TENM2: variants seen among roughly 807,000 people sequenced by gnomAD.
TENM2 encodes the protein teneurin-2.
A neutral mutation model predicts 245.2 loss-of-function variants in TENM2; 52 were observed. The ratio of observed to expected loss-of-function variants is 0.21; its 90% CI spans 0.17 to 0.27. The LOEUF is 0.27. Ranked by LOEUF, TENM2 falls within the 10% of genes least tolerant of loss-of-function variation. The pLI, the probability that TENM2 is intolerant of heterozygous loss-of-function variation, is 1.00. For synonymous variants in TENM2, 1,363 were observed against 1,438.9 expected (o/e 0.95, Z 1.19); for missense variants, 3,046 against 3,666.8 (o/e 0.83, Z 4.37).
the TENM2 span, among the ~76,000 whole-genome samples, chr5:167,199,097 T>TAAAAAAAA: frequency 6.3e-5 from 5 of 79,304 alleles, no homozygotes; most frequent in African/African-American, 1.8e-4. Flanking sequence ...TGATATGAAG[T>TAAAAAAAA]AAAAAAAAAA....
At chr5:167,124,134 C>CT in the TENM2 span, among the ~76,000 whole-genome samples, 1 of 152,254 alleles carries the variant, frequency 6.6e-6, no homozygotes, top group African/African-American at 2.4e-5. Flanking sequence ...GGGGTCTTTA[C>CT]TTTTTTGCGG....
chr5:168,106,520 A>T (rs1046179392), intron 9 of TENM2, among the ~76,000 whole-genome samples: 6 of 152,218 alleles, frequency 3.9e-5, no homozygotes, highest in African/African-American at 1.2e-4. Flanking sequence ...GAGTTTAAGT[A>T]ACTTGCTCAA....
chr5:168,224,291 G>A (rs1431938795), intron 23 of TENM2, among the ~76,000 whole-genome samples: 4 of 152,172 alleles, frequency 2.6e-5, no homozygotes, highest in South Asian at 4.1e-4. Context: ...GGGGCCCTGG[G>A]CGAGTGATAG....
chr5:168,232,985 C>T (rs1765072799), intron 25 of TENM2, among the ~76,000 whole-genome samples: 1 of 152,216 alleles, frequency 6.6e-6, no homozygotes, highest in Non-Finnish European at 1.5e-5. Flanking sequence ...CCTCCCCCTC[C>T]TTCCCGCATT....
the TENM2 span, among the ~76,000 whole-genome samples, chr5:167,107,342 AAAC>A: frequency 2.6e-5 from 4 of 152,036 alleles, no homozygotes; most frequent in African/African-American, 7.2e-5. Context: ...GAAAGAAAGA[AAAC>A]AAGTTGTACG....
intron 2 of TENM2, among the ~76,000 whole-genome samples, chr5:167,663,138 TGGG>T (rs1258190824): frequency 1.1e-5 from 1 of 91,312 alleles, no homozygotes; most frequent in Non-Finnish European, 2.3e-5. Flanking sequence ...AGAATGGGGA[TGGG>T]GAGAGAGAGA....
the TENM2 span, among the ~76,000 whole-genome samples, chr5:167,096,061 C>T: frequency 6.6e-6 from 1 of 152,224 alleles, no homozygotes; most frequent in Non-Finnish European, 1.5e-5. Flanking sequence ...CATGAGCCAC[C>T]ACGCCTGGCA....
chr5:167,702,347 A>G (rs563296531), intron 2 of TENM2, among the ~76,000 whole-genome samples: 1 of 152,076 alleles, frequency 6.6e-6, no homozygotes, highest in Admixed American at 6.6e-5. Flanking sequence ...ATGTCTTTCC[A>G]TGGGAAAGTT....
At chr5:167,894,010 T>C (rs1383242841) in intron 3 of TENM2, among the ~76,000 whole-genome samples, 2 of 152,162 alleles carry the variant, frequency 1.3e-5, no homozygotes, top group Non-Finnish European at 2.9e-5. Flanking sequence ...TAGAAAAATA[T>C]AGCAAGGTAG....
At chr5:167,713,023 G>A (rs1251748166) in intron 2 of TENM2, among the ~76,000 whole-genome samples, 1 of 152,080 alleles carries the variant, frequency 6.6e-6, no homozygotes, top group African/African-American at 2.4e-5. Flanking sequence ...AGTTTGTGCA[G>A]CTTTATGTAT....
At chr5:167,190,076 G>A in the TENM2 span, among the ~76,000 whole-genome samples, 6 of 152,034 alleles carry the variant, frequency 3.9e-5, no homozygotes, top group East Asian at 1.2e-3. Context: ...TGCATGATGG[G>A]ATGTCTTTGT....
intron 6 of TENM2, among the ~76,000 whole-genome samples, chr5:168,048,703 C>G (rs1345179320): frequency 6.6e-6 from 1 of 152,168 alleles, no homozygotes; most frequent in Non-Finnish European, 1.5e-5. Context: ...CAGAGGTGCA[C>G]ATTAGTCATC....
chr5:167,955,827 A>G (rs1297771330), intron 4 of TENM2, among the ~76,000 whole-genome samples: 4 of 152,108 alleles, frequency 2.6e-5, no homozygotes, highest in Non-Finnish European at 5.9e-5. Context: ...ATTGGTCTAT[A>G]TATCTGTTTT....
At chr5:167,184,973 G>A in the TENM2 span, among the ~76,000 whole-genome samples, 26 of 152,232 alleles carry the variant, frequency 1.7e-4, no homozygotes, top group Admixed American at 9.8e-4. Flanking sequence ...TGGGATTCGC[G>A]CTCCTCTGAG....
At chr5:167,653,931 A>G (rs1754655055) in intron 2 of TENM2, 1 of 151,510 alleles carries the variant, frequency 6.6e-6, no homozygotes, top group African/African-American at 2.4e-5. Flanking sequence ...AGCCAATCTA[A>G]AAGGAGATAG....
chr5:168,234,819 G>A (rs1765274581), intron 25 of TENM2, among the ~76,000 whole-genome samples: 2 of 152,196 alleles, frequency 1.3e-5, no homozygotes, highest in African/African-American at 2.4e-5. Context: ...GCAAGAAACA[G>A]CTACATGTGT....
At chr5:168,108,837 T>C (rs150377241) in intron 9 of TENM2, among the ~76,000 whole-genome samples, 2 of 152,226 alleles carry the variant, frequency 1.3e-5, no homozygotes, top group African/African-American at 4.8e-5. Flanking sequence ...CTCCCTTTAA[T>C]AGACATCTTC....
chr5:168,183,047 G>A (rs1441243437), intron 13 of TENM2, among the ~76,000 whole-genome samples: 1 of 151,800 alleles, frequency 6.6e-6, no homozygotes, highest in African/African-American at 2.4e-5. Context: ...GGCCAGGCTG[G>A]TCTTGAACTC....
intron 9 of TENM2, among the ~76,000 whole-genome samples, chr5:168,100,518 A>G (rs1257261978): frequency 6.6e-6 from 1 of 152,244 alleles, no homozygotes; most frequent in Non-Finnish European, 1.5e-5. Context: ...GATAAAGTAA[A>G]TGTGGCACAT....
Sources: allele counts gnomAD v4.1 joint callset (sites outside exome capture counted in the v4.1 genomes callset), GRCh38; gene constraint gnomAD v4.1.1; transcripts MANE v1.5; gene names NCBI Gene and HGNC (gene_info 2026-07-23, HGNC 2026-07-21).